The following HRH1 variants were observed in gnomAD, a reference collection of about 807,000 sequenced individuals.
HRH1 encodes the protein histamine H1 receptor.
Under a neutral mutation model 10.3 loss-of-function variants are expected in HRH1, and 6 were observed. The ratio of observed to expected loss-of-function variants is 0.58; its 90% confidence interval spans 0.32 to 1.15. The LOEUF (loss-of-function observed/expected upper bound fraction) is 1.15. HRH1 is among the 50% of genes most tolerant of loss of function. The probability of loss-of-function intolerance (pLI) is 0.05; values close to 1 mark genes in which losing one functional copy is unlikely to be tolerated. For synonymous variants in HRH1, 242 were observed against 236.7 expected, an observed-to-expected ratio of 1.02 and a Z score of -0.21; for missense variants, 514 against 615.3, an observed-to-expected ratio of 0.84 and a Z score of 1.74.
chr3:11,211,599 G>A (rs1938329103), intron 1 of HRH1, among the ~76,000 whole-genome samples: 1 of 152,200 alleles, frequency 6.6e-6, no homozygotes, highest in Non-Finnish European at 1.5e-5. Context: ...CAGCACCGGG[G>A]CCTTCCTGGC....
chr3:11,220,152 A>T (rs996833090), intron 1 of HRH1, among the ~76,000 whole-genome samples: 2 of 152,026 alleles, frequency 1.3e-5, no homozygotes, highest in Non-Finnish European at 2.9e-5. Flanking sequence ...ACCTCCTAGC[A>T]TTGTGGTGGG....
In HRH1 at chr3:11,172,770, C is replaced by T. The variant is rs1360540777; in HGVS notation, c.-36+18216C>T. On this transcript the variant is annotated intron_variant, in intron 1 of 1. Transcript: ENST00000431010. ...CAGGCTGAAGTGCAGTAGGCGATCT[C>T]GGCTCACTGCAAGCTCCGCCTCCCA... Among the ~76,000 whole-genome samples, 7 of 145,684 alleles carry T rather than the reference C, an allele frequency of 4.8e-5. No individual in the cohort carries two copies. The South Asian group carries it at 6.5e-4, about 14-fold the overall frequency.
At chr3:11,160,719 A>G (rs1400770066) in intron 1 of HRH1, among the ~76,000 whole-genome samples, 3 of 152,190 alleles carry the variant, frequency 2.0e-5, no homozygotes, top group African/African-American at 7.2e-5. Context: ...ACAGTTCTGT[A>G]TCTTGGGCCT....
intron 1 of HRH1, among the ~76,000 whole-genome samples, chr3:11,196,953 CA>C (rs35134148): frequency 0.25 from 27,424 of 110,350 alleles, 2,913 homozygotes; most frequent in Admixed American, 0.33. Flanking sequence ...ACTAAAAATA[CA>C]AAAAAAAAAA....
chr3:11,247,281 C>T lies in HRH1; in HGVS notation c.-35-11722C>T, dbSNP rs940379584. On this transcript the variant is annotated intron_variant, in intron 1 of 1. Transcript: ENST00000431010. Reference sequence around the variant, plus strand: ...AGTGTTAGAAACAAGTGCCTGGTGCCGCAAAGAAAAACAGCACGTAGGCAG... The same window carrying T: ...AGTGTTAGAAACAAGTGCCTGGTGCTGCAAAGAAAAACAGCACGTAGGCAG... Among the ~76,000 whole-genome samples, 6 of 152,078 alleles carry T rather than the reference C, an allele frequency of 3.9e-5. 1 individual carries two copies. The highest frequency in any genetic ancestry group is 4.1e-4 in the South Asian group (2 of 4,830).
chr3:11,237,714 CAA>C (rs1939223422), intron 1 of HRH1, among the ~76,000 whole-genome samples: 2 of 109,090 alleles, frequency 1.8e-5, no homozygotes, highest in African/African-American at 3.6e-5. Context: ...CTTGCTCTGT[CAA>C]CCAGGCTGGA....
upstream of HRH1, among the ~76,000 whole-genome samples, chr3:11,150,368 TGCCCACTTGGGGCGGCTGCATGAGAAAGA>T (rs1165029452): frequency 6.6e-6 from 1 of 152,254 alleles, no homozygotes; most frequent in Non-Finnish European, 1.5e-5. Context: ...AGGGCCATCC[TGCCCACTTGGGGCGGCTGCATGAGAAAGA>T]GCCATTTGGA....
intron 1 of HRH1, among the ~76,000 whole-genome samples, chr3:11,256,724 G>C (rs1443843569): frequency 6.6e-6 from 1 of 151,354 alleles, no homozygotes; most frequent in African/African-American, 2.4e-5. Context: ...ACTTGAACCT[G>C]GGAGGCAGAG....
rs183553068 is a variant in HRH1 at position 11,176,348 on chromosome 3, A to T, written c.-36+21794A>T. Among the ~76,000 whole-genome samples, 262 of 152,290 alleles carry T rather than the reference A, an allele frequency of 1.7e-3. 3 individuals carry two copies. Among genetic ancestry groups the T allele is most frequent in the African/African-American group, 5.8e-3 (242 of 41,546 alleles). On this transcript the variant is annotated intron_variant, in intron 1 of 1. Coordinates refer to ENST00000431010, the MANE Select transcript of HRH1 (RefSeq NM_001098212.2). ...AGGACAAAGGACAATTCTTCACCAG[A>T]TGCCAGTTGTGCCCCCCATATCATT... is the stretch of plus-strand genomic sequence containing the variant.
intron 1 of HRH1, among the ~76,000 whole-genome samples, chr3:11,229,350 G>A (rs1031706652): frequency 6.6e-6 from 1 of 152,152 alleles, no homozygotes; most frequent in African/African-American, 2.4e-5. Flanking sequence ...CATTTTTGCT[G>A]GAGTGCTGTG....
chr3:11,141,128 C>G (rs910588137), intron 1 of HRH1, among the ~76,000 whole-genome samples: 1 of 152,162 alleles, frequency 6.6e-6, no homozygotes. Flanking sequence ...TTTTGAGCTT[C>G]TGTCTCTCAG....
chr3:11,149,848 G>T (rs1002253182), upstream of HRH1, among the ~76,000 whole-genome samples: 4 of 152,294 alleles, frequency 2.6e-5, no homozygotes, highest in Middle Eastern at 3.4e-3. Flanking sequence ...CAGAAATAAT[G>T]AAACCAAACA....
chr3:11,257,964 AC>A (rs1292894673), intron 1 of HRH1, among the ~76,000 whole-genome samples: 1 of 152,150 alleles, frequency 6.6e-6, no homozygotes, highest in Non-Finnish European at 1.5e-5. Flanking sequence ...GGTGTGAGCC[AC>A]CATTTCCAGC....
At chr3:11,192,542 C>A (rs547920014) in intron 1 of HRH1, among the ~76,000 whole-genome samples, 2 of 152,244 alleles carry the variant, frequency 1.3e-5, no homozygotes, top group South Asian at 4.2e-4. Flanking sequence ...CATTCTAGAT[C>A]TTTTGGTGAA....
At position 11,173,459 on chromosome 3, in the gene HRH1, G is replaced by GT. The variant is rs1937192989; in HGVS notation, c.-36+18906dup. On this transcript the variant is annotated intron_variant, in intron 1 of 1. Coordinates refer to ENST00000431010, the MANE Select transcript of HRH1 (RefSeq NM_001098212.2). ...GCTCTGTCGCCCAGGCTGGAGTGCAGTGGCATGATCTCGGCTCACTGCAAG... is the reference window on the plus strand; with the variant it reads ...GCTCTGTCGCCCAGGCTGGAGTGCAGTTGGCATGATCTCGGCTCACTGCAAG... Among the ~76,000 whole-genome samples, 2 of 151,888 alleles carry GT rather than the reference G, an allele frequency of 1.3e-5. 1 individual carries two copies. Among genetic ancestry groups the GT allele is most frequent in the South Asian group, 4.1e-4 (2 of 4,822 alleles).
chr3:11,241,615 C>T (rs1261199545), intron 1 of HRH1, among the ~76,000 whole-genome samples: 1 of 151,812 alleles, frequency 6.6e-6, no homozygotes, highest in African/African-American at 2.4e-5. Flanking sequence ...GGGTGGATCA[C>T]GAGGTCAGGA....
intron 1 of HRH1, among the ~76,000 whole-genome samples, chr3:11,182,669 G>A (rs552234462): frequency 1.3e-5 from 2 of 152,282 alleles, no homozygotes; most frequent in Admixed American, 1.3e-4. Context: ...GGGAGGGAGG[G>A]TGCTGCAGCA....
chr3:11,252,000 T>C (rs895477989), intron 1 of HRH1, among the ~76,000 whole-genome samples: 1 of 152,230 alleles, frequency 6.6e-6, no homozygotes, highest in African/African-American at 2.4e-5. Context: ...GGCTACGCCC[T>C]TGTTTACATT....
chr3:11,206,284 AT>A (rs775052147), intron 1 of HRH1, among the ~76,000 whole-genome samples: 63 of 152,252 alleles, frequency 4.1e-4, no homozygotes, highest in Non-Finnish European at 7.8e-4. Flanking sequence ...CGCCTGGCTA[AT>A]TTTTATATTT....
Sources: allele counts gnomAD v4.1 joint callset (sites outside exome capture counted in the v4.1 genomes callset), GRCh38; gene constraint gnomAD v4.1.1; transcripts MANE v1.5; gene names NCBI Gene and HGNC (gene_info 2026-07-23, HGNC 2026-07-21).